Variants in GABRG3 observed in about 807,000 individuals in gnomAD.
GABRG3 encodes the protein gamma-aminobutyric acid type A receptor subunit gamma3.
A neutral mutation model predicts 48.8 loss-of-function variants in GABRG3; 25 were observed. That is an observed-to-expected ratio of 0.51 (90% CI 0.37 to 0.72). GABRG3 has a LOEUF of 0.72. GABRG3 is among the 30% of genes least tolerant of loss of function. The pLI is 0.00. For synonymous variants in GABRG3, 227 were observed against 217.6 expected, an observed-to-expected ratio of 1.04 and a Z score of -0.38; for missense variants, 394 against 577.9, an observed-to-expected ratio of 0.68 and a Z score of 3.26.
intron 3 of GABRG3, among the ~76,000 whole-genome samples, chr15:27,199,192 C>T (rs965271225): frequency 1.1e-4 from 16 of 152,124 alleles, no homozygotes; most frequent in African/African-American, 1.4e-4. Flanking sequence ...CTGGAACAAA[C>T]GAACCACGTA....
At chr15:27,107,132 T>C (rs1369490348) in intron 3 of GABRG3, among the ~76,000 whole-genome samples, 2 of 152,074 alleles carry the variant, frequency 1.3e-5, no homozygotes, top group Admixed American at 1.3e-4. Context: ...CCATTAAATA[T>C]TCCTAGTCTT....
At chr15:27,271,324 G>A (rs1891078640) in intron 3 of GABRG3, among the ~76,000 whole-genome samples, 2 of 152,230 alleles carry the variant, frequency 1.3e-5, no homozygotes, top group Admixed American at 1.3e-4. Context: ...TCTTCCACCA[G>A]AACTGCCTCC....
intron 5 of GABRG3, among the ~76,000 whole-genome samples, chr15:27,380,895 A>G (rs1379338858): frequency 2.0e-5 from 3 of 151,428 alleles, no homozygotes; most frequent in Non-Finnish European, 2.9e-5. Context: ...CCTCCCGAGT[A>G]GCTGGGACTA....
chr15:27,193,267 T>G (rs1888387728), intron 3 of GABRG3, among the ~76,000 whole-genome samples: 1 of 152,160 alleles, frequency 6.6e-6, no homozygotes, highest in Non-Finnish European at 1.5e-5. Flanking sequence ...CAGGGACATT[T>G]AAGTCTGCAG....
intron 3 of GABRG3, among the ~76,000 whole-genome samples, chr15:27,216,863 G>C (rs1889274616): frequency 7.0e-6 from 1 of 142,780 alleles, no homozygotes; most frequent in African/African-American, 2.6e-5. Flanking sequence ...TGCCATGCTG[G>C]TGCGCTGCAC....
At chr15:27,302,694 C>G (rs1251918836) in intron 3 of GABRG3, among the ~76,000 whole-genome samples, 1 of 151,938 alleles carries the variant, frequency 6.6e-6, no homozygotes, top group East Asian at 1.9e-4. Flanking sequence ...CACAAGTGCC[C>G]ATAGTTCATT....
At chr15:27,522,636 G>A (rs1447270304) in intron 7 of GABRG3, among the ~76,000 whole-genome samples, 1 of 151,690 alleles carries the variant, frequency 6.6e-6, no homozygotes, top group East Asian at 1.9e-4. Context: ...GATATATTAA[G>A]AAATCTTATT....
At chr15:27,076,800 T>A (rs755833895) in intron 3 of GABRG3, among the ~76,000 whole-genome samples, 33 of 152,174 alleles carry the variant, frequency 2.2e-4, no homozygotes, top group Admixed American at 7.2e-4. Flanking sequence ...GAATGGGGAA[T>A]GATTCTGCCC....
intron 3 of GABRG3, among the ~76,000 whole-genome samples, chr15:27,243,341 G>A (rs1340359636): frequency 6.6e-6 from 1 of 152,118 alleles, no homozygotes; most frequent in African/African-American, 2.4e-5. Context: ...GCTGTATCAA[G>A]GGGTCAGCCA....
At chr15:27,209,721 G>A (rs1889010605) in intron 3 of GABRG3, among the ~76,000 whole-genome samples, 1 of 152,212 alleles carries the variant, frequency 6.6e-6, no homozygotes, top group South Asian at 2.1e-4. Context: ...GAATTTGCTG[G>A]TGGCTGGGGC....
intron 3 of GABRG3, among the ~76,000 whole-genome samples, chr15:27,272,461 G>T (rs1891121228): frequency 6.6e-6 from 1 of 152,218 alleles, no homozygotes; most frequent in Non-Finnish European, 1.5e-5. Flanking sequence ...TGGTATGTCT[G>T]TAACAGTATA....
intron 5 of GABRG3, among the ~76,000 whole-genome samples, chr15:27,421,900 T>C (rs1345064711): frequency 2.0e-5 from 3 of 149,936 alleles, no homozygotes; most frequent in African/African-American, 2.5e-5. Flanking sequence ...TACTGAGTGT[T>C]CTAAGATATC....
chr15:27,224,848 A>G (rs906638128), intron 3 of GABRG3, among the ~76,000 whole-genome samples: 4 of 152,150 alleles, frequency 2.6e-5, no homozygotes, highest in Non-Finnish European at 4.4e-5. Flanking sequence ...CTCCTCTTTC[A>G]TTCACAAGGC....
intron 3 of GABRG3, among the ~76,000 whole-genome samples, chr15:27,140,866 T>C (rs1898090089): frequency 6.6e-6 from 1 of 152,238 alleles, no homozygotes; most frequent in Non-Finnish European, 1.5e-5. Context: ...TCTCTGATTT[T>C]TGACATCTCA....
rs148642038 is a variant in GABRG3 at position 27,353,569 on chromosome 15, G to A, written c.574+24681G>A. ...AGCAATTCTCCTACCTCAGCCTCCC[G>A]AGTAGCTGAGACTACAGGTGTGCAC... On this transcript the variant is annotated intron_variant, in intron 5 of 9. Transcript: ENST00000615808. 7.1e-3 allele frequency among the ~76,000 whole-genome samples: 1,083 copies of A among 151,818 alleles called. 14 individuals carry two copies. The highest frequency in any genetic ancestry group is 0.025 in the African/African-American group (1,025 of 41,398).
intron 3 of GABRG3, among the ~76,000 whole-genome samples, chr15:27,296,662 C>T (rs1891995298): frequency 6.6e-6 from 1 of 151,986 alleles, no homozygotes; most frequent in South Asian, 2.1e-4. Context: ...TGTTGTAGCT[C>T]AAAGCATTAC....
chr15:27,397,317 A>G (rs1887333763), intron 5 of GABRG3, among the ~76,000 whole-genome samples: 1 of 151,824 alleles, frequency 6.6e-6, no homozygotes, highest in South Asian at 2.1e-4. Flanking sequence ...TACATAGGGA[A>G]ACGATACCTG....
chr15:27,043,600 A>G (rs1896314113), intron 3 of GABRG3, among the ~76,000 whole-genome samples: 4 of 152,172 alleles, frequency 2.6e-5, no homozygotes, highest in Admixed American at 2.6e-4. Context: ...TTCTGCCCGC[A>G]GAGCCCCCTC....
chr15:27,052,425 C>T (rs1378548026), intron 3 of GABRG3, among the ~76,000 whole-genome samples: 3 of 152,186 alleles, frequency 2.0e-5, no homozygotes, highest in Non-Finnish European at 4.4e-5. Flanking sequence ...ACTTGGCATT[C>T]TGTGGGCCAA....
Sources: gnomAD v4.1 joint callset for allele counts (sites outside exome capture counted in the v4.1 genomes callset) on GRCh38, gnomAD v4.1.1 for gene constraint, MANE v1.5 for transcripts, NCBI Gene and HGNC (gene_info 2026-07-23, HGNC 2026-07-21) for gene names.